Variants in MMP16 observed in about 807,000 individuals in gnomAD.
MMP16 encodes the protein matrix metallopeptidase 16, also known as matrix metalloproteinase-16.
Under a neutral mutation model 67.8 loss-of-function variants are expected in MMP16, and 12 were observed. That is an observed-to-expected ratio of 0.18 (90% confidence interval 0.11 to 0.29). MMP16 has a LOEUF of 0.29. Among genes scored for constraint, MMP16 ranks in the 10% least tolerant of loss-of-function variants. The probability of loss-of-function intolerance (pLI) is 1.00; values close to 1 mark genes in which losing one functional copy is unlikely to be tolerated. For synonymous variants in MMP16, 249 were observed against 255.9 expected, an observed-to-expected ratio of 0.97 and a Z score of 0.26; for missense variants, 475 against 765.7, an observed-to-expected ratio of 0.62 and a Z score of 4.48.
At chr8:88,097,811 C>A (rs984557311) in intron 6 of MMP16, among the ~76,000 whole-genome samples, 1 of 151,670 alleles carries the variant, frequency 6.6e-6, no homozygotes, top group Non-Finnish European at 1.5e-5. Context: ...AATAGTTATA[C>A]TTAATTTTTC....
intron 4 of MMP16, among the ~76,000 whole-genome samples, chr8:88,158,219 T>C (rs1808548367): frequency 1.3e-5 from 2 of 152,206 alleles, no homozygotes; most frequent in African/African-American, 4.8e-5. Context: ...ATGGTATTTC[T>C]AGTTCTAGAT....
chr8:88,271,806 T>C (rs556494070), intron 1 of MMP16, among the ~76,000 whole-genome samples: 21 of 152,282 alleles, frequency 1.4e-4, no homozygotes, highest in Admixed American at 2.0e-4. Flanking sequence ...AGTGCCAAAA[T>C]GGGCAGCCAC....
chr8:88,144,296 T>C (rs1388221971), intron 4 of MMP16, among the ~76,000 whole-genome samples: 1 of 151,984 alleles, frequency 6.6e-6, no homozygotes, highest in Non-Finnish European at 1.5e-5. Flanking sequence ...TTAAATTTTT[T>C]AGGTGGCTAT....
chr8:88,285,377 C>A lies in MMP16; in HGVS notation c.132+41698G>T, dbSNP rs375215870. Among the ~76,000 whole-genome samples, 25 of 152,022 alleles carry A rather than the reference C, an allele frequency of 1.6e-4. No individual in the cohort carries two copies. In the East Asian group the frequency reaches 2.3e-3, roughly 14 times the overall value. On this transcript the variant is annotated intron_variant, in intron 1 of 9. Transcript: ENST00000286614. ...CTGGTCTCGAACTCCTGACCTCAGG[C>A]GATCCACCCACCTCAGCCTCCCGAA...
chr8:88,266,752 C>T (rs549217811), intron 1 of MMP16, among the ~76,000 whole-genome samples: 10 of 152,082 alleles, frequency 6.6e-5, no homozygotes, highest in East Asian at 1.9e-4. Flanking sequence ...GCAACTGTTC[C>T]GTTGTTTAAT....
At chr8:88,227,242 T>C (rs528686182) in intron 1 of MMP16, among the ~76,000 whole-genome samples, 201 of 152,138 alleles carry the variant, frequency 1.3e-3, no homozygotes, top group African/African-American at 4.6e-3. Flanking sequence ...AATATACATA[T>C]AGCAAAATTA....
intron 4 of MMP16, among the ~76,000 whole-genome samples, chr8:88,156,535 T>C (rs1367178988): frequency 6.6e-6 from 1 of 152,122 alleles, no homozygotes; most frequent in Non-Finnish European, 1.5e-5. Flanking sequence ...TAATAGCTAG[T>C]GTTGTTTACA....
intron 2 of MMP16, 89 bp from the exon 3 acceptor site, chr8:88,186,687 A>T (rs1394291251): frequency 6.6e-7 from 1 of 1,506,218 alleles, no homozygotes; most frequent in East Asian, 2.3e-5. Context: ...AAAATCAATT[A>T]AGAGGTTAAT....
chr8:88,136,244 G>A (rs1808116806), intron 4 of MMP16, among the ~76,000 whole-genome samples: 2 of 151,882 alleles, frequency 1.3e-5, no homozygotes, highest in South Asian at 4.1e-4. Context: ...CAGGAGCCTG[G>A]AAAACTCCAG....
chr8:88,198,515 TCAA>T (rs1809292075), intron 1 of MMP16, among the ~76,000 whole-genome samples: 1 of 152,132 alleles, frequency 6.6e-6, no homozygotes, highest in African/African-American at 2.4e-5. Context: ...TTTATGAACT[TCAA>T]CGTCTAAAAC....
At chr8:88,312,378 C>T (rs1811308523) in intron 1 of MMP16, among the ~76,000 whole-genome samples, 1 of 152,130 alleles carries the variant, frequency 6.6e-6, no homozygotes, top group African/African-American at 2.4e-5. Context: ...CTACAGCATA[C>T]ATGTAACTAC....
intron 3 of MMP16, among the ~76,000 whole-genome samples, chr8:88,184,003 C>T (rs1041230769): frequency 6.6e-6 from 1 of 152,114 alleles, no homozygotes; most frequent in Non-Finnish European, 1.5e-5. Context: ...ACCTCAGCCT[C>T]CCAGAGAGCT....
chr8:88,226,794 G>T (rs187718403), intron 1 of MMP16, among the ~76,000 whole-genome samples: 7 of 152,056 alleles, frequency 4.6e-5, no homozygotes, highest in Non-Finnish European at 8.8e-5. Context: ...GGTCAGCACT[G>T]CCTTCAACTC....
chr8:88,126,106 T>C (rs1469420905), intron 4 of MMP16, among the ~76,000 whole-genome samples: 1 of 152,002 alleles, frequency 6.6e-6, no homozygotes, highest in African/African-American at 2.4e-5. Context: ...TGACAAAAAC[T>C]CTTTTAAAAA....
chr8:88,148,220 C>G (rs1406983701), intron 4 of MMP16, among the ~76,000 whole-genome samples: 1 of 152,056 alleles, frequency 6.6e-6, no homozygotes, highest in East Asian at 1.9e-4. Flanking sequence ...TCTGTGATTC[C>G]ATTTTTTCCT....
intron 6 of MMP16, among the ~76,000 whole-genome samples, chr8:88,085,642 A>G (rs1035278175): frequency 1.3e-5 from 2 of 152,080 alleles, no homozygotes; most frequent in Non-Finnish European, 1.5e-5. Flanking sequence ...TTCTAAATTC[A>G]CAATTCTGAA....
chr8:88,168,416 T>C (rs1808748995), intron 3 of MMP16, among the ~76,000 whole-genome samples: 1 of 152,176 alleles, frequency 6.6e-6, no homozygotes, highest in Non-Finnish European at 1.5e-5. Context: ...GATCTGTAAA[T>C]ATGAATTCAG....
At chr8:88,164,678 A>T (rs192477414) in intron 4 of MMP16, among the ~76,000 whole-genome samples, 1 of 152,144 alleles carries the variant, frequency 6.6e-6, no homozygotes, top group South Asian at 2.1e-4. Flanking sequence ...CTTGTTAGAC[A>T]GGTAAAGACA....
rs1252917207 is a variant in MMP16 at position 88,035,888 on chromosome 8, T to C, written c.*5573A>G. 2 of 151,964 alleles carry C rather than the reference T, an allele frequency of 1.3e-5. No homozygotes were observed. Among genetic ancestry groups the C allele is most frequent in the African/African-American group, 4.8e-5 (2 of 41,432 alleles). 9.4% of individuals were successfully genotyped at this position (151,964 alleles called of 1,614,324 possible). ...AAAATATTGAAACATATATTTGTAA[T>C]TGGATGTTATTAATCTTACCTGAAA... On this transcript the variant is annotated 3_prime_UTR_variant, in exon 10 of 10. Transcript: ENST00000286614. This position sits in a 1 kb window ranked among gnomAD's most constrained non-coding sequence, Gnocchi z 4.7.
Sources: allele counts gnomAD v4.1 joint callset (sites outside exome capture counted in the v4.1 genomes callset), GRCh38; gene constraint gnomAD v4.1.1; non-coding constraint Gnocchi (gnomAD v3.1); transcripts MANE v1.5; gene names NCBI Gene and HGNC (gene_info 2026-07-23, HGNC 2026-07-21).